The following ALDH1A2 variants were observed in gnomAD, a reference collection of about 807,000 sequenced individuals.
ALDH1A2 encodes aldehyde dehydrogenase 1 family member A2, also known as retinal dehydrogenase 2.
Under a neutral mutation model 60.3 loss-of-function variants are expected in ALDH1A2, and 27 were observed. The observed-to-expected ratio is 0.45, with a 90% CI of 0.33 to 0.62. The LOEUF (loss-of-function observed/expected upper bound fraction) is 0.62, where lower values mean the gene tolerates loss of function less well. ALDH1A2 is among the 20% of genes least tolerant of loss of function. ALDH1A2 has a pLI of 0.02. For synonymous variants in ALDH1A2, 289 were observed against 232.4 expected (o/e 1.24, Z -2.21); for missense variants, 581 against 643.8 (o/e 0.90, Z 1.06).
intron 7 of ALDH1A2, among the ~76,000 whole-genome samples, chr15:57,966,112 A>C (rs972806464): frequency 6.6e-6 from 1 of 152,250 alleles, no homozygotes; most frequent in African/African-American, 2.4e-5. Context: ...CTCTAAAGAC[A>C]ACTGGCAAGA....
chr15:58,045,914 TTTATTAG>T (rs1896629654), intron 1 of ALDH1A2, among the ~76,000 whole-genome samples: 1 of 152,028 alleles, frequency 6.6e-6, no homozygotes, highest in Non-Finnish European at 1.5e-5. Context: ...ATAATGGTAC[TTTATTAG>T]AGACACTCCA....
intron 7 of ALDH1A2, among the ~76,000 whole-genome samples, chr15:57,989,000 C>CTACT (rs1555401111): frequency 1.6e-5 from 2 of 128,418 alleles, no homozygotes; most frequent in East Asian, 2.1e-4. Context: ...AACCCCATCT[C>CTACT]TACTTAAGAT....
At position 57,965,783 on chromosome 15, in the gene ALDH1A2, C is replaced by T; in HGVS notation, c.843G>A (p.Lys281=). Residue 281 remains lysine, a synonymous_variant, in exon 8 of 13, where the codon AAG becomes AAA. Transcript: ENST00000249750. The part of the protein sequence containing the change: ...IQEAAGRSNL[K]RVTLELGGKS... The stretch of plus-strand genomic sequence containing the variant: ...TGCCTCCAAGTTCCAGAGTTACTCT[C>T]TTCAAATTACTTCTTCCAGCTGCTT... 6.2e-7 allele frequency: 1 copy of T among 1,614,172 alleles called. No individual in the cohort carries two copies. The highest frequency in any genetic ancestry group is 8.5e-7 in the Non-Finnish European group (1 of 1,180,000).
intron 12 of ALDH1A2, among the ~76,000 whole-genome samples, chr15:57,958,114 A>G (rs1893593881): frequency 6.6e-6 from 1 of 152,164 alleles, no homozygotes; most frequent in Admixed American, 6.5e-5. Context: ...CAGATCAACT[A>G]ACTCAGAATC....
intron 4 of ALDH1A2, among the ~76,000 whole-genome samples, chr15:58,003,707 A>C (rs1187839037): frequency 6.6e-6 from 1 of 151,942 alleles, no homozygotes; most frequent in Non-Finnish European, 1.5e-5. Context: ...AAGAGGTTGT[A>C]GACGTGAGAG....
At chr15:57,970,073 C>T (rs1390890977) in intron 7 of ALDH1A2, among the ~76,000 whole-genome samples, 1 of 152,244 alleles carries the variant, frequency 6.6e-6, no homozygotes, top group Non-Finnish European at 1.5e-5. Context: ...AAAAGACAGA[C>T]AGGACTCCTG....
intron 4 of ALDH1A2, 24 bp from the exon 5 acceptor site, chr15:57,995,163 T>A: frequency 6.7e-7 from 1 of 1,482,120 alleles, no homozygotes; most frequent in South Asian, 1.2e-5. Context: ...GCATGGTCAC[T>A]CCCAGAAAGT....
intron 1 of ALDH1A2, among the ~76,000 whole-genome samples, chr15:58,055,515 C>A (rs1896873514): frequency 6.6e-6 from 1 of 151,752 alleles, no homozygotes; most frequent in East Asian, 1.9e-4. Context: ...AAAAATTGTA[C>A]CACTGAGAAG....
intron 7 of ALDH1A2, among the ~76,000 whole-genome samples, chr15:57,981,412 C>T (rs1037563198): frequency 6.6e-6 from 1 of 151,812 alleles, no homozygotes; most frequent in Non-Finnish European, 1.5e-5. Context: ...GAGAGTAAAG[C>T]TGCCAGAGGA....
chr15:58,030,244 C>T (rs116518016), intron 1 of ALDH1A2, among the ~76,000 whole-genome samples: 2,114 of 152,064 alleles, frequency 0.014, 57 homozygotes, highest in African/African-American at 0.047. Flanking sequence ...CATATGCAAA[C>T]TGATAAATAT....
chr15:58,065,037 G>A (rs556603353), intron 1 of ALDH1A2, among the ~76,000 whole-genome samples: 215 of 152,338 alleles, frequency 1.4e-3, no homozygotes, highest in African/African-American at 5.0e-3. Context: ...CAGAGCGCTG[G>A]TGTCTTGACA....
At chr15:58,064,693 T>C (rs939280522) in intron 1 of ALDH1A2, among the ~76,000 whole-genome samples, 4 of 152,294 alleles carry the variant, frequency 2.6e-5, no homozygotes, top group Admixed American at 2.0e-4. Flanking sequence ...CCTCAAAATG[T>C]TGTAACATTA....
rs1810879909 is a variant in ALDH1A2, at chr15:58,064,682, C to T, written c.117+852G>A. Among the ~76,000 whole-genome samples, 3 of 152,132 alleles carry T rather than the reference C, an allele frequency of 2.0e-5. No individual in the cohort carries two copies. In the South Asian group the frequency reaches 6.2e-4, roughly 32 times the overall value. On this transcript the variant is annotated intron_variant, in intron 1 of 12. Coordinates refer to ENST00000249750, the MANE Select transcript of ALDH1A2 (RefSeq NM_003888.4). ...CAATCCCATCTCTCTCTCACCACCT[C>T]CCTCAAAATGTTGTAACATTACAAT...
Position 57,995,230 on chromosome 15 carries a change from A to C in ALDH1A2, c.494-91T>G, listed in dbSNP as rs528578248. 26 of 755,744 alleles carry C rather than the reference A, an allele frequency of 3.4e-5. No homozygotes were observed. The East Asian group carries it at 3.6e-4, about 10-fold the overall frequency. The allele number at this position is 755,744 out of a possible 1,614,324, so 46.8% of individuals were successfully genotyped here. A position where few individuals can be genotyped will look rare whatever the true frequency, so the allele number is the denominator to read the frequency against. On this transcript the variant is annotated intron_variant, in intron 4 of 12. Coordinates refer to ENST00000249750, the MANE Select transcript of ALDH1A2 (RefSeq NM_003888.4). ...CTTTGGTGGCTGCAAAAAAAAAAAAAAAAAAACAAACAGAAATAAACTTGA... is the reference window on the plus strand; with the variant it reads ...CTTTGGTGGCTGCAAAAAAAAAAAACAAAAAACAAACAGAAATAAACTTGA...
chr15:58,008,318 TGAGTA>T (rs1467795738), intron 4 of ALDH1A2, among the ~76,000 whole-genome samples: 2 of 152,088 alleles, frequency 1.3e-5, no homozygotes, highest in African/African-American at 4.8e-5. Context: ...CAACAGTTAA[TGAGTA>T]AAGTGGGGAA....
chr15:57,956,458 G>GGCCTACAT (rs1182896712), intron 12 of ALDH1A2, among the ~76,000 whole-genome samples: 1 of 152,196 alleles, frequency 6.6e-6, no homozygotes, highest in Non-Finnish European at 1.5e-5. Context: ...GAGCCCCCAT[G>GGCCTACAT]GCCTACATAA....
intron 1 of ALDH1A2, among the ~76,000 whole-genome samples, chr15:58,031,605 A>G (rs1896242040): frequency 6.6e-6 from 1 of 152,212 alleles, no homozygotes; most frequent in Admixed American, 6.5e-5. Context: ...AAATTTTTTC[A>G]ATCTACCCAT....
At chr15:57,996,628 T>C (rs1895074569) in intron 4 of ALDH1A2, among the ~76,000 whole-genome samples, 1 of 151,892 alleles carries the variant, frequency 6.6e-6, no homozygotes, top group Non-Finnish European at 1.5e-5. Flanking sequence ...CACTTTCAGT[T>C]TAGGCTATTA....
chr15:58,025,259 A>T (rs1896047765), intron 1 of ALDH1A2, among the ~76,000 whole-genome samples: 1 of 152,202 alleles, frequency 6.6e-6, no homozygotes, highest in Non-Finnish European at 1.5e-5. Context: ...GGTTCTTTGA[A>T]GAGATAAACA....
Sources: gnomAD v4.1 joint callset for allele counts (sites outside exome capture counted in the v4.1 genomes callset) on GRCh38, gnomAD v4.1.1 for gene constraint, MANE v1.5 for transcripts, NCBI Gene and HGNC (gene_info 2026-07-23, HGNC 2026-07-21) for gene names.